The following PRC1 variants were observed in gnomAD, a reference collection of about 807,000 sequenced individuals.
The protein encoded by PRC1 is protein regulator of cytokinesis 1.
PRC1 carries 54 observed loss-of-function variants against 91.2 expected under a neutral mutation model. The ratio of observed to expected loss-of-function variants is 0.59; its 90% CI spans 0.48 to 0.74. The LOEUF (loss-of-function observed/expected upper bound fraction) is 0.74, where lower values mean the gene tolerates loss of function less well. PRC1 is among the 30% of genes least tolerant of loss of function. The probability of loss-of-function intolerance (pLI) is 0.00; values close to 1 mark genes in which losing one functional copy is unlikely to be tolerated. For synonymous variants in PRC1, 275 were observed against 263.6 expected (o/e 1.04, Z -0.42); for missense variants, 727 against 746.2 (o/e 0.97, Z 0.30).
intron 11 of PRC1, among the ~76,000 whole-genome samples, chr15:90,973,706 A>T (rs867147529): frequency 5.3e-5 from 8 of 152,040 alleles, no homozygotes; most frequent in Non-Finnish European, 1.0e-4. Flanking sequence ...GTTACTCTTT[A>T]CTACACTGAG....
chr15:90,975,434 GA>G (rs2038593683), intron 9 of PRC1, among the ~76,000 whole-genome samples: 1 of 152,150 alleles, frequency 6.6e-6, no homozygotes, highest in South Asian at 2.1e-4. Flanking sequence ...AAAATGGAAA[GA>G]ATACCGACCT....
intron 12 of PRC1, 140 bp from the exon 13 acceptor site, chr15:90,969,763 C>CT (rs2037909483): frequency 7.9e-6 from 1 of 126,770 alleles, no homozygotes; most frequent in Non-Finnish European, 1.8e-5. Context: ...AAAAAAAAAA[C>CT]ATATATATAT....
chr15:90,980,834 C>T (rs1227081613), intron 6 of PRC1, 50 bp downstream of exon 6: 2 of 1,611,532 alleles, frequency 1.2e-6, no homozygotes, highest in African/African-American at 1.3e-5. Flanking sequence ...ATGACTAACA[C>T]AGAAGTGCTA....
Position 90,980,325 on chromosome 15 carries a change from G to A in PRC1, c.887C>T (p.Ala296Val). ...GTACTGAACCAGCTCCACTCGAATT[G>A]CCTCAATCACTTTCTTCATGTTTTG... ...KMQNMKKVIE[A>V]IRVELVQYWD... is the part of the protein sequence containing the mutation. The change falls in exon 7 of 15, where the codon GCA (alanine) becomes GTA (valine). Residue 296 changes from alanine to valine, a missense_variant. Physicochemically the swap from Ala to Val is moderately conservative, Grantham distance 64 (BLOSUM62 0). Coordinates refer to ENST00000394249, the MANE Select transcript of PRC1 (RefSeq NM_003981.4). The A allele has an allele frequency of 6.2e-7, 1 of 1,614,000 alleles. No homozygotes were observed. Among genetic ancestry groups the A allele is most frequent in the South Asian group, 1.1e-5 (1 of 91,064 alleles).
chr15:90,969,600 T>G lies in PRC1; in HGVS notation c.1596A>C (p.Ser532=). 6.2e-7 allele frequency: 1 copy of G among 1,606,118 alleles called. No individual in the cohort carries two copies. The highest frequency in any genetic ancestry group is 8.5e-7 in the Non-Finnish European group (1 of 1,176,552). The change falls in exon 13 of 15, where the codon TCA becomes TCC. Residue 532 remains serine (S), a synonymous_variant. Transcript: ENST00000394249. ...TGCCAGTACGGGGTGTTTTCTTCCC[T>G]GAACAGGTGGAAGCAGCGACTGGCT... ...GSKPVAASTC[S]GKKTPRTGRH...
At position 90,969,254 on chromosome 15, in the gene PRC1, C is replaced by T. The variant is rs1011390027; in HGVS notation, c.1750-134G>A. ...AGGATCCAGGTTAAATGTCTAGTTGCTGCTGCCAACTTCCTTCCTACACAA... is the reference window on the plus strand; with the variant it reads ...AGGATCCAGGTTAAATGTCTAGTTGTTGCTGCCAACTTCCTTCCTACACAA... On this transcript the variant is annotated intron_variant, in intron 13 of 14. Transcript: ENST00000394249. 3.3e-6 allele frequency: 4 copies of T among 1,198,082 alleles called. No homozygotes were observed. In the African/African-American group the frequency reaches 4.6e-5, roughly 14 times the overall value. 74.2% of individuals were successfully genotyped at this position (1,198,082 alleles called of 1,614,324 possible).
intron 1 of PRC1, among the ~76,000 whole-genome samples, chr15:90,993,069 T>TC (rs1166637202): frequency 2.3e-3 from 47 of 20,306 alleles, no homozygotes; most frequent in Admixed American, 0.011. Flanking sequence ...AGACCCCGTC[T>TC]CAAAAAAAAA....
At chr15:90,979,346 C>A in intron 7 of PRC1, 52 bp from the exon 8 acceptor site, 1 of 1,551,720 alleles carries the variant, frequency 6.4e-7, no homozygotes, top group South Asian at 1.2e-5. Context: ...TATTTAGTAT[C>A]CAATTTTACG....
At chr15:90,977,522 T>A (rs1272038046) in intron 8 of PRC1, among the ~76,000 whole-genome samples, 1 of 152,042 alleles carries the variant, frequency 6.6e-6, no homozygotes, top group Non-Finnish European at 1.5e-5. Flanking sequence ...TTTCTTGTTT[T>A]CTTCTTAAAT....
Position 90,994,439 on chromosome 15 carries a change from T to C in PRC1, c.-22A>G. ...TCATGGCGGACGCTCCAAGCAGCCG[T>C]GAGTCCAGGTCCAGACCTACTCCAC... On this transcript the variant is annotated 5_prime_UTR_variant, in exon 1 of 15. Coordinates refer to ENST00000394249, the MANE Select transcript of PRC1 (RefSeq NM_003981.4). 1 of 1,610,666 alleles carries C rather than the reference T, an allele frequency of 6.2e-7. No homozygotes were observed. The highest frequency in any genetic ancestry group is 2.2e-5 in the East Asian group (1 of 44,650).
Position 90,981,852 on chromosome 15 carries a change from C to T in PRC1, c.397G>A (p.Glu133Lys), listed in dbSNP as rs1318728687. Reference sequence around the variant, plus strand: ...TCATAGTGGGGCATACAAAGAATTTCGCACAGTTCTTGATCTTGCTCTTGA... The same window carrying T: ...TCATAGTGGGGCATACAAAGAATTTTGCACAGTTCTTGATCTTGCTCTTGA... Reference protein sequence around the residue: ...LLQEQDQELCEILCMPHYDID... With the variant: ...LLQEQDQELCKILCMPHYDID... The change falls in exon 4 of 15, where the codon GAA becomes AAA. Residue 133 changes from glutamate (E) to lysine (K), a missense_variant. Transcript: ENST00000394249. 4 of 1,614,198 alleles carry T rather than the reference C, an allele frequency of 2.5e-6. No homozygotes were observed. The highest frequency in any genetic ancestry group is 2.2e-5 in the East Asian group (1 of 44,890).
rs923651169 is a variant in PRC1 at position 90,978,607 on chromosome 15, G to C, written c.1107+551C>G. ...TCTCTACTAAAAATACAAAAAATTAGCCGGGTGTGGTGGTGCATGCCTGTA... is the reference window on the plus strand; with the variant it reads ...TCTCTACTAAAAATACAAAAAATTACCCGGGTGTGGTGGTGCATGCCTGTA... On this transcript the variant is annotated intron_variant, in intron 8 of 14. Coordinates refer to ENST00000394249, the MANE Select transcript of PRC1 (RefSeq NM_003981.4). Among the ~76,000 whole-genome samples, 70 of 152,094 alleles carry C rather than the reference G, an allele frequency of 4.6e-4. 2 individuals are homozygous for C. The highest frequency in any genetic ancestry group is 1.3e-4 in the Admixed American group (2 of 15,262).
Position 90,984,926 on chromosome 15 carries a change from CGAGAAA to C in PRC1, c.12-107_12-102del, listed in dbSNP as rs1596321664. On this transcript the variant is annotated intron_variant, in intron 1 of 14. Transcript: ENST00000394249. This position sits in a 1 kb window ranked among gnomAD's most constrained non-coding sequence, Gnocchi z 5.1. ...AAAAAGACTAGCTTCTCAGTGGCCT[CGAGAAA>C]AAAACAAATTGAAAACAAGCATTCA... is the stretch of plus-strand genomic sequence containing the variant. The C allele has an allele frequency of 6.9e-7, 1 of 1,447,834 alleles. No homozygotes were observed. The highest frequency in any genetic ancestry group is 2.3e-5 in the East Asian group (1 of 43,250). 89.7% of individuals were successfully genotyped at this position (1,447,834 alleles called of 1,614,324 possible).
rs114917640 is a variant in PRC1, at chr15:90,977,076, G to T, written c.1108-305C>A. 589 of 159,346 alleles carry T rather than the reference G, an allele frequency of 3.7e-3. 8 individuals carry two copies. The highest frequency in any genetic ancestry group is 0.015 in the African/African-American group (563 of 38,816). The allele number at this position is 159,346 out of a possible 1,614,324, so 9.9% of individuals were successfully genotyped here. A position where few individuals can be genotyped will look rare whatever the true frequency, so the allele number is the denominator to read the frequency against. ...ACCTGGGTGGCGTGCAGTGAGCCGA[G>T]ACTGCGCCACCGTGCTCCACCCCGA... On this transcript the variant is annotated intron_variant, in intron 8 of 14. Transcript: ENST00000394249.
At chr15:90,968,716 C>T (rs1310198515) in intron 14 of PRC1, 1 of 1,105,084 alleles carries the variant, frequency 9.0e-7, no homozygotes, top group East Asian at 6.4e-5. Context: ...GGCCAAGAGC[C>T]TCATTGTAGG....
chr15:90,987,607 G>C (rs2039678768), intron 1 of PRC1: 1 of 152,120 alleles, frequency 6.6e-6, no homozygotes, highest in South Asian at 2.1e-4. Context: ...TTAAAGAATA[G>C]AAATTTTTCT....
chr15:90,982,365 A>AT (rs972319734), intron 3 of PRC1, among the ~76,000 whole-genome samples: 38 of 152,120 alleles, frequency 2.5e-4, no homozygotes, highest in Non-Finnish European at 4.3e-4. Flanking sequence ...ATAAGTCCCC[A>AT]TTTTTTCCCT....
intron 3 of PRC1, 61 bp from the exon 4 acceptor site, chr15:90,982,042 A>G (rs1567197968): frequency 6.7e-7 from 1 of 1,482,506 alleles, no homozygotes; most frequent in Admixed American, 1.8e-5. Flanking sequence ...GAGGAAGAGA[A>G]GGACAACATA....
At chr15:90,989,212 G>A (rs373825839) in intron 1 of PRC1, among the ~76,000 whole-genome samples, 6 of 152,036 alleles carry the variant, frequency 3.9e-5, no homozygotes, top group African/African-American at 1.2e-4. Flanking sequence ...CATGCAAGAC[G>A]GTACAGCCTC....
Sources: gnomAD v4.1 joint callset for allele counts (sites outside exome capture counted in the v4.1 genomes callset) on GRCh38, gnomAD v4.1.1 for gene constraint, Gnocchi (gnomAD v3.1) non-coding constraint, MANE v1.5 for transcripts, NCBI Gene and HGNC (gene_info 2026-07-23, HGNC 2026-07-21) for gene names.